The following AHCYL2 variants were observed in gnomAD, a reference collection of about 807,000 sequenced individuals.
AHCYL2 encodes adenosylhomocysteinase like 2.
A neutral mutation model predicts 81.4 loss-of-function variants in AHCYL2; 28 were observed. The observed-to-expected ratio is 0.34, with a 90% CI of 0.25 to 0.47. The LOEUF (loss-of-function observed/expected upper bound fraction) is 0.47, where lower values mean the gene tolerates loss of function less well. Ranked by LOEUF, AHCYL2 falls within the 20% of genes least tolerant of loss-of-function variation. The probability of loss-of-function intolerance (pLI) is 1.00; values close to 1 mark genes in which losing one functional copy is unlikely to be tolerated. For missense variants in AHCYL2, 551 were observed against 785.1 expected (o/e 0.70, Z 3.56); for synonymous variants, 272 against 290.2 (o/e 0.94, Z 0.64).
In AHCYL2 at chr7:129,225,082, G is replaced by A. The variant is rs773600486; in HGVS notation, c.6G>A (p.Ser2=). ...TGGTTGCAGCGGAGGCGGTGATGTCGGTGCAGGTTGTGTCAGCCGCGGCTG... is the reference window on the plus strand; with the variant it reads ...TGGTTGCAGCGGAGGCGGTGATGTCAGTGCAGGTTGTGTCAGCCGCGGCTG... M[S]VQVVSAAAAA... The change falls in exon 1 of 17, where the codon TCG becomes TCA. Residue 2 remains serine (S), a synonymous_variant. Coordinates refer to ENST00000325006, the MANE Select transcript of AHCYL2 (RefSeq NM_015328.4). The A allele has an allele frequency of 2.5e-5, 40 of 1,592,860 alleles. 2 individuals carry two copies. In the South Asian group the frequency reaches 3.3e-4, roughly 13 times the overall value.
Position 129,426,347 on chromosome 7 carries a change from A to G in AHCYL2, c.1709-96A>G, listed in dbSNP as rs1797365583. 1.9e-6 allele frequency: 3 copies of G among 1,569,618 alleles called. No individual in the cohort carries two copies. The highest frequency in any genetic ancestry group is 2.6e-6 in the Non-Finnish European group (3 of 1,141,134). On this transcript the variant is annotated intron_variant, in intron 15 of 16. Coordinates refer to ENST00000325006, the MANE Select transcript of AHCYL2 (RefSeq NM_015328.4). The surrounding 1 kb of genome is among the most constrained non-coding windows in gnomAD (Gnocchi z 4.3). ...TTTTCATTCAGCTCCAGGAATTAGA[A>G]GGTGTCTTTGAACTTTTTAAGGCCT... is the stretch of plus-strand genomic sequence containing the variant.
At chr7:129,370,049 C>A (rs1303050972) in intron 1 of AHCYL2, among the ~76,000 whole-genome samples, 1 of 152,056 alleles carries the variant, frequency 6.6e-6, no homozygotes, top group Non-Finnish European at 1.5e-5. Flanking sequence ...GGAAGGGCCA[C>A]GTTAAGGTAT....
At chr7:129,313,273 G>T (rs982660994) in intron 1 of AHCYL2, among the ~76,000 whole-genome samples, 6 of 152,182 alleles carry the variant, frequency 3.9e-5, no homozygotes, top group African/African-American at 9.7e-5. Flanking sequence ...AGAGAATAAG[G>T]GATAAAATTG....
chr7:129,246,855 A>G (rs541865166), intron 1 of AHCYL2, among the ~76,000 whole-genome samples: 8 of 152,166 alleles, frequency 5.3e-5, no homozygotes, highest in Admixed American at 5.2e-4. Flanking sequence ...TGGCTTTTCC[A>G]CTTGATGTAA....
chr7:129,408,297 A>G (rs1796397143), intron 10 of AHCYL2, among the ~76,000 whole-genome samples: 1 of 152,228 alleles, frequency 6.6e-6, no homozygotes, highest in Non-Finnish European at 1.5e-5. Context: ...AATCTAGGCA[A>G]GAAGTAATAA....
intron 1 of AHCYL2, among the ~76,000 whole-genome samples, chr7:129,277,494 G>A (rs1349127026): frequency 6.6e-6 from 1 of 152,054 alleles, no homozygotes; most frequent in Admixed American, 6.6e-5. Flanking sequence ...TGCCCAGGCT[G>A]GTCTCGAACT....
intron 1 of AHCYL2, among the ~76,000 whole-genome samples, chr7:129,367,635 C>G (rs906729106): frequency 6.6e-6 from 1 of 152,098 alleles, no homozygotes; most frequent in Admixed American, 6.5e-5. Context: ...GGTTGGAAAC[C>G]CTGGCTGTCC....
intron 4 of AHCYL2, among the ~76,000 whole-genome samples, chr7:129,391,288 A>C (rs905332476): frequency 4.6e-5 from 7 of 152,230 alleles, no homozygotes; most frequent in Non-Finnish European, 5.9e-5. Flanking sequence ...TAGCTGTTAC[A>C]TTCCTGGAAA....
chr7:129,407,421 C>A (rs1796358106), intron 10 of AHCYL2, among the ~76,000 whole-genome samples: 1 of 152,064 alleles, frequency 6.6e-6, no homozygotes, highest in African/African-American at 2.4e-5. Context: ...AGAGCTGCTG[C>A]CACATAATAT....
intron 1 of AHCYL2, among the ~76,000 whole-genome samples, chr7:129,265,749 G>C (rs1254144980): frequency 6.6e-6 from 1 of 152,156 alleles, no homozygotes; most frequent in Non-Finnish European, 1.5e-5. Flanking sequence ...AGAATGACAG[G>C]ATCATATTTA....
At position 129,271,769 on chromosome 7, in the gene AHCYL2, G is replaced by A. The variant is rs146354347; in HGVS notation, c.363+46330G>A. On this transcript the variant is annotated intron_variant, in intron 1 of 16. Coordinates refer to ENST00000325006, the MANE Select transcript of AHCYL2 (RefSeq NM_015328.4). ...TGTAATAAATGTCATAGAAAAGATA[G>A]GATAAATAGAAAGCATAATAAAAGA... Among the ~76,000 whole-genome samples, 9 of 152,198 alleles carry A rather than the reference G, an allele frequency of 5.9e-5. No individual in the cohort carries two copies. The East Asian group carries it at 1.7e-3, about 29-fold the overall frequency.
chr7:129,394,077 A>C (rs1019393134), intron 4 of AHCYL2, among the ~76,000 whole-genome samples: 4 of 151,416 alleles, frequency 2.6e-5, no homozygotes, highest in African/African-American at 4.9e-5. Context: ...CAATCATTGC[A>C]GGCTCATTGC....
chr7:129,268,616 T>C lies in AHCYL2; in HGVS notation c.363+43177T>C, dbSNP rs1038178202. ...ATCCACCCGCTTCGGCCTCCCAAAG[T>C]GTTGGGATTATAGGCGTGAGCCACT... On this transcript the variant is annotated intron_variant, in intron 1 of 16. Coordinates refer to ENST00000325006, the MANE Select transcript of AHCYL2 (RefSeq NM_015328.4). 3.9e-5 allele frequency among the ~76,000 whole-genome samples: 6 copies of C among 152,256 alleles called. No homozygotes were observed. The East Asian group carries it at 1.2e-3, about 29-fold the overall frequency.
chr7:129,379,655 C>G lies in AHCYL2; in HGVS notation c.381C>G (p.Asp127Glu), dbSNP rs774000794. The stretch of plus-strand genomic sequence containing the variant: ...TTTCTTAGCAGATCCAGTTTGCTGA[C>G]CAGAAGCAAGAATTCAACAAACGTC... Reference protein sequence around the residue: ...RTVKKQIQFADQKQEFNKRPT... With the variant: ...RTVKKQIQFAEQKQEFNKRPT... Residue 127 changes from aspartate to glutamate, a missense_variant, in exon 2 of 17, where the codon GAC becomes GAG. Asp to Glu is a conservative substitution (Grantham distance 45). Coordinates refer to ENST00000325006, the MANE Select transcript of AHCYL2 (RefSeq NM_015328.4). 9.3e-6 allele frequency: 15 copies of G among 1,613,882 alleles called. No individual in the cohort carries two copies. The African/African-American group carries it at 2.0e-4, about 22-fold the overall frequency.
chr7:129,306,731 C>T (rs1797456347), intron 1 of AHCYL2, among the ~76,000 whole-genome samples: 1 of 152,134 alleles, frequency 6.6e-6, no homozygotes, highest in Admixed American at 6.6e-5. Context: ...ACCTGTGCTT[C>T]TTGGGAAGGC....
rs1797027996 is a variant in AHCYL2, at chr7:129,419,778, T to A, written c.1462-3062T>A. On this transcript the variant is annotated intron_variant, in intron 12 of 16. Coordinates refer to ENST00000325006, the MANE Select transcript of AHCYL2 (RefSeq NM_015328.4). This position sits in a 1 kb window ranked among gnomAD's most constrained non-coding sequence, Gnocchi z 4.7. ...AAACCGGATATGCACTGTTCAGAAT[T>A]ATATAAGACCAATTTGTGCAAGCAT... Among the ~76,000 whole-genome samples, 3 of 152,030 alleles carry A rather than the reference T, an allele frequency of 2.0e-5. No homozygotes were observed. Among genetic ancestry groups the A allele is most frequent in the Admixed American group, 2.0e-4 (3 of 15,272 alleles).
intron 1 of AHCYL2, among the ~76,000 whole-genome samples, chr7:129,246,981 T>G (rs1344667931): frequency 6.6e-6 from 1 of 152,242 alleles, no homozygotes; most frequent in Non-Finnish European, 1.5e-5. Flanking sequence ...GATGGACATT[T>G]AGATTATATC....
intron 1 of AHCYL2, among the ~76,000 whole-genome samples, chr7:129,371,331 A>G (rs1794400156): frequency 6.6e-6 from 1 of 152,220 alleles, no homozygotes; most frequent in African/African-American, 2.4e-5. Context: ...ACCAGCAAAA[A>G]GGGACTTCAT....
chr7:129,245,391 A>C (rs1298361543), intron 1 of AHCYL2, among the ~76,000 whole-genome samples: 2 of 152,218 alleles, frequency 1.3e-5, no homozygotes, highest in African/African-American at 4.8e-5. Context: ...TTTTAAGTGC[A>C]TAGTTCAGTG....
Sources: allele counts gnomAD v4.1 joint callset (sites outside exome capture counted in the v4.1 genomes callset), GRCh38; gene constraint gnomAD v4.1.1; non-coding constraint Gnocchi (gnomAD v3.1); transcripts MANE v1.5; gene names NCBI Gene and HGNC (gene_info 2026-07-23, HGNC 2026-07-21).